The following TMEM132D variants were observed in gnomAD, a reference collection of about 807,000 sequenced individuals.
TMEM132D encodes the protein mature OL transmembrane protein.
A neutral mutation model predicts 62.3 loss-of-function variants in TMEM132D; 21 were observed. That is an observed-to-expected ratio of 0.34 (90% CI 0.24 to 0.49). The LOEUF (loss-of-function observed/expected upper bound fraction) is 0.49. Among genes scored for constraint, TMEM132D ranks in the 20% least tolerant of loss-of-function variants. TMEM132D has a pLI of 0.99. For synonymous variants in TMEM132D, 621 were observed against 575.6 expected, an observed-to-expected ratio of 1.08 and a Z score of -1.13; for missense variants, 1,346 against 1,402.8, an observed-to-expected ratio of 0.96 and a Z score of 0.65.
At position 129,074,313 on chromosome 12, in the gene TMEM132D, C is replaced by T. The variant is rs1007325199; in HGVS notation, c.2862G>A (p.Glu954=). 7.4e-6 allele frequency: 12 copies of T among 1,614,006 alleles called. No individual in the cohort carries two copies. Among genetic ancestry groups the T allele is most frequent in the Non-Finnish European group, 9.3e-6 (11 of 1,180,042 alleles). The change falls in exon 9 of 9, where the codon GAG becomes GAA. Residue 954 remains glutamate (E), a synonymous_variant. Transcript: ENST00000422113. ...CATGAGAGTGACTCATCCCTTCCTG[C>T]TCCTCGAAGGGAACCTGTTTGTGTC... is the stretch of plus-strand genomic sequence containing the variant. ...KYRHKQVPFE[E]QEGMSHSHDW...
chr12:129,246,161 G>A (rs539288078), intron 4 of TMEM132D, among the ~76,000 whole-genome samples: 53 of 152,142 alleles, frequency 3.5e-4, no homozygotes, highest in Non-Finnish European at 5.7e-4. Context: ...ACTGTAAACC[G>A]AATATTGCTG....
chr12:129,895,018 G>A (rs374061449), intron 1 of TMEM132D, among the ~76,000 whole-genome samples: 8 of 152,248 alleles, frequency 5.3e-5, no homozygotes, highest in East Asian at 3.9e-4. Flanking sequence ...TGAGGTTTGC[G>A]CGAAGGAGCT....
chr12:129,484,417 G>A (rs888123614), intron 3 of TMEM132D, among the ~76,000 whole-genome samples: 1 of 152,210 alleles, frequency 6.6e-6, no homozygotes, highest in South Asian at 2.1e-4. Flanking sequence ...TTAAATGTCT[G>A]CTCCCTTGAT....
intron 4 of TMEM132D, among the ~76,000 whole-genome samples, chr12:129,296,315 G>T (rs1343206475): frequency 1.3e-5 from 2 of 152,088 alleles, no homozygotes; most frequent in African/African-American, 4.8e-5. Flanking sequence ...AGAGATGCTT[G>T]GTGAGGTTAA....
chr12:129,178,422 C>T (rs1196439092), intron 5 of TMEM132D, among the ~76,000 whole-genome samples: 16 of 139,094 alleles, frequency 1.2e-4, no homozygotes, highest in Non-Finnish European at 2.0e-4. Context: ...TCCACAATCT[C>T]ACCAGCATCT....
At chr12:129,092,063 G>A (rs140501048) in intron 5 of TMEM132D, among the ~76,000 whole-genome samples, 1 of 152,162 alleles carries the variant, frequency 6.6e-6, no homozygotes, top group Non-Finnish European at 1.5e-5. Context: ...CAATGCTGAT[G>A]GTTTGAAGGG....
chr12:129,364,197 T>C (rs1184038397), intron 3 of TMEM132D, among the ~76,000 whole-genome samples: 1 of 152,160 alleles, frequency 6.6e-6, no homozygotes, highest in East Asian at 1.9e-4. Flanking sequence ...CCCGATATGG[T>C]ATTAGTTGTG....
chr12:129,096,408 T>A (rs1225750773), intron 5 of TMEM132D, among the ~76,000 whole-genome samples: 1 of 152,072 alleles, frequency 6.6e-6, no homozygotes, highest in African/African-American at 2.4e-5. Flanking sequence ...CAGCGGGAGC[T>A]CTTGGATCAA....
In TMEM132D at chr12:129,861,542, C is replaced by T. The variant is rs1212081210; in HGVS notation, c.79+41719G>A. Reference sequence around the variant, plus strand: ...TTGGGAGGCCAAGGTGGGTGAATCACCTGAGGACAGTAGTTCGAGACCAGC... The same window carrying T: ...TTGGGAGGCCAAGGTGGGTGAATCATCTGAGGACAGTAGTTCGAGACCAGC... On this transcript the variant is annotated intron_variant, in intron 1 of 8. Transcript: ENST00000422113. Among the ~76,000 whole-genome samples the T allele has an allele frequency of 2.6e-5, 4 of 152,186 alleles. No individual in the cohort carries two copies. In the South Asian group the frequency reaches 8.3e-4, roughly 32 times the overall value.
intron 3 of TMEM132D, among the ~76,000 whole-genome samples, chr12:129,421,706 C>T (rs553831593): frequency 1.6e-4 from 24 of 152,278 alleles, no homozygotes; most frequent in African/African-American, 4.3e-4. Context: ...TGATACACTG[C>T]TGGATTTGTT....
intron 5 of TMEM132D, among the ~76,000 whole-genome samples, chr12:129,091,595 C>T (rs1874919651): frequency 6.6e-6 from 1 of 152,026 alleles, no homozygotes; most frequent in South Asian, 2.1e-4. Context: ...CACCTGGGCT[C>T]TGGAGACCCT....
chr12:129,267,627 G>A (rs1055308570), intron 4 of TMEM132D, among the ~76,000 whole-genome samples: 4 of 152,026 alleles, frequency 2.6e-5, no homozygotes, highest in Admixed American at 6.6e-5. Context: ...TTATAGATTC[G>A]GTGCCATCCC....
In TMEM132D at chr12:129,572,689, T is replaced by A. The variant is rs528963460; in HGVS notation, c.969-41484A>T. Reference sequence around the variant, plus strand: ...GTCTTGAACTCCTGACCTCAGATGATCTGCCCGCCTCGGCTTCCCAAAGTG... The same window carrying A: ...GTCTTGAACTCCTGACCTCAGATGAACTGCCCGCCTCGGCTTCCCAAAGTG... On this transcript the variant is annotated intron_variant, in intron 2 of 8. Coordinates refer to ENST00000422113, the MANE Select transcript of TMEM132D (RefSeq NM_133448.3). 6.6e-5 allele frequency among the ~76,000 whole-genome samples: 10 copies of A among 152,200 alleles called. No individual in the cohort carries two copies. In the South Asian group the frequency reaches 2.1e-3, roughly 32 times the overall value.
intron 1 of TMEM132D, among the ~76,000 whole-genome samples, chr12:129,813,504 C>T (rs1028106914): frequency 6.6e-6 from 1 of 151,254 alleles, no homozygotes; most frequent in African/African-American, 2.4e-5. Context: ...TCAGTCCAGC[C>T]ACTCTGGTAA....
intron 3 of TMEM132D, among the ~76,000 whole-genome samples, chr12:129,384,810 T>C (rs902721614): frequency 2.0e-5 from 3 of 152,186 alleles, no homozygotes; most frequent in Non-Finnish European, 4.4e-5. Context: ...CGTATTCCCA[T>C]CTGTTTAGAG....
At chr12:129,545,306 A>C (rs1876701984) in intron 2 of TMEM132D, among the ~76,000 whole-genome samples, 1 of 152,168 alleles carries the variant, frequency 6.6e-6, no homozygotes, top group Non-Finnish European at 1.5e-5. Context: ...TTCCTGAAGC[A>C]AGATCTATGC....
At chr12:129,595,220 C>T (rs946179040) in intron 2 of TMEM132D, among the ~76,000 whole-genome samples, 1 of 152,216 alleles carries the variant, frequency 6.6e-6, no homozygotes, top group African/African-American at 2.4e-5. Flanking sequence ...TGTACCTACA[C>T]AGCTAAAGTT....
At chr12:129,675,086 G>A (rs1880594837) in intron 2 of TMEM132D, among the ~76,000 whole-genome samples, 1 of 152,148 alleles carries the variant, frequency 6.6e-6, no homozygotes, top group Admixed American at 6.6e-5. Context: ...AAGAAATGCA[G>A]AGAAAACACA....
chr12:129,853,801 G>A (rs945830442), intron 1 of TMEM132D: 1 of 152,268 alleles, frequency 6.6e-6, no homozygotes, highest in Non-Finnish European at 1.5e-5. Flanking sequence ...AGGGAGTGGA[G>A]GATGTGTTCT....
Sources: gnomAD v4.1 joint callset for allele counts (sites outside exome capture counted in the v4.1 genomes callset) on GRCh38, gnomAD v4.1.1 for gene constraint, MANE v1.5 for transcripts, NCBI Gene and HGNC (gene_info 2026-07-23, HGNC 2026-07-21) for gene names.